The following PCDHGA12 variants were observed in gnomAD, a reference collection of about 807,000 sequenced individuals.
PCDHGA12 encodes protocadherin gamma subfamily A, 12.
PCDHGA12 carries 43 observed loss-of-function variants against 61.1 expected under a neutral mutation model. The ratio of observed to expected loss-of-function variants is 0.70; its 90% CI spans 0.55 to 0.91. The LOEUF is 0.91. PCDHGA12 is among the 40% of genes least tolerant of loss of function. The pLI is 0.00. For synonymous variants in PCDHGA12, 520 were observed against 542.9 expected, an observed-to-expected ratio of 0.96 and a Z score of 0.59; for missense variants, 1,236 against 1,227.7, an observed-to-expected ratio of 1.01 and a Z score of -0.10.
intron 1 of PCDHGA12, among the ~76,000 whole-genome samples, chr5:141,445,077 T>C (rs778919022): frequency 5.9e-5 from 9 of 152,242 alleles, no homozygotes; most frequent in Non-Finnish European, 1.2e-4. Flanking sequence ...CTCATTAAAT[T>C]GTCCCTACAT....
In PCDHGA12 at chr5:141,430,910, G is replaced by T; in HGVS notation, c.151G>T (p.Asp51Tyr). The T allele has an allele frequency of 1.2e-6, 2 of 1,608,040 alleles. No homozygotes were observed. The highest frequency in any genetic ancestry group is 1.7e-4 in the Middle Eastern group (1 of 6,006). Residue 51 changes from aspartate to tyrosine, a missense_variant, in exon 1 of 4, where the codon GAC (aspartate) becomes TAC (tyrosine). Physicochemically the swap from Asp to Tyr is radical, Grantham distance 160 (BLOSUM62 -3). Transcript: ENST00000252085. ...CTCTAGGGTGGGCGACATCTCCAGG[G>T]ACCTGGGGCTGGAGCCCCGGGAGCT... ...KGSRVGDISR[D>Y]LGLEPRELAE...
chr5:141,490,205 C>A lies in PCDHGA12; in HGVS notation c.2425-4602C>A. 1 of 1,614,168 alleles carries A rather than the reference C, an allele frequency of 6.2e-7. No individual in the cohort carries two copies. The highest frequency in any genetic ancestry group is 8.5e-7 in the Non-Finnish European group (1 of 1,180,004). ...CGTTTCTATGAAATTCATGCAAGAG[C>A]CCGTGACCAGGGACAGCCTGCCATG... On this transcript the variant is annotated intron_variant, in intron 1 of 3. Transcript: ENST00000252085. This position sits in a 1 kb window ranked among gnomAD's most constrained non-coding sequence, Gnocchi z 5.4.
chr5:141,473,431 G>A (rs541546681), intron 1 of PCDHGA12, among the ~76,000 whole-genome samples: 10 of 152,266 alleles, frequency 6.6e-5, no homozygotes, highest in Non-Finnish European at 1.3e-4. Flanking sequence ...CAGATACTTT[G>A]CTTATGCAAA....
chr5:141,464,707 A>G (rs1052234067), intron 1 of PCDHGA12, among the ~76,000 whole-genome samples: 13 of 152,112 alleles, frequency 8.5e-5, no homozygotes, highest in African/African-American at 3.1e-4. Flanking sequence ...ATGAGGTTAA[A>G]TAGTTTTTCA....
rs200576950 is a variant in PCDHGA12 at position 141,477,475 on chromosome 5, C to T, written c.2425-17332C>T. The T allele has an allele frequency of 1.2e-6, 2 of 1,614,124 alleles. No individual in the cohort carries two copies. Among genetic ancestry groups the T allele is most frequent in the African/African-American group, 2.7e-5 (2 of 75,010 alleles). ...TTCAAGTGTCCGACATCAATGACAACCCTCCACAATCTTCTCAATCTTCCT... is the reference window on the plus strand; with the variant it reads ...TTCAAGTGTCCGACATCAATGACAATCCTCCACAATCTTCTCAATCTTCCT... On this transcript the variant is annotated intron_variant, in intron 1 of 3. Transcript: ENST00000252085. The surrounding 1 kb of genome is among the most constrained non-coding windows in gnomAD (Gnocchi z 4.9).
chr5:141,487,656 C>G lies in PCDHGA12; in HGVS notation c.2425-7151C>G. ...GCTCAACAAATGCTTGAGGGTTATT[C>G]TGATCCAGGCATATGGCTAGGCCAT... On this transcript the variant is annotated intron_variant, in intron 1 of 3. Coordinates refer to ENST00000252085, the MANE Select transcript of PCDHGA12 (RefSeq NM_003735.3). The surrounding 1 kb of genome is among the most constrained non-coding windows in gnomAD (Gnocchi z 5.0). 6.2e-7 allele frequency: 1 copy of G among 1,613,658 alleles called. No individual in the cohort carries two copies. Among genetic ancestry groups the G allele is most frequent in the Non-Finnish European group, 8.5e-7 (1 of 1,179,794 alleles).
chr5:141,510,239 C>T (rs2099880022), intron 3 of PCDHGA12, among the ~76,000 whole-genome samples: 1 of 150,434 alleles, frequency 6.6e-6, no homozygotes, highest in Non-Finnish European at 1.5e-5. Flanking sequence ...CGCCACTGCA[C>T]TCCAGGCTGG....
In PCDHGA12 at chr5:141,432,293, G is replaced by C. The variant is rs765631138; in HGVS notation, c.1534G>C (p.Gly512Arg). Reference sequence around the variant, plus strand: ...CTACGTGTCCATCAACTCCGACACTGGGGTACTGTATGCGCTGAGCTCCTT... The same window carrying C: ...CTACGTGTCCATCAACTCCGACACTCGGGTACTGTATGCGCTGAGCTCCTT... ...SSYVSINSDTGVLYALSSFDY... is the reference protein window; with the variant it reads ...SSYVSINSDTRVLYALSSFDY... The change falls in exon 1 of 4, where the codon GGG becomes CGG. Residue 512 changes from glycine to arginine, a missense_variant. Physicochemically the swap from Gly to Arg is moderately radical, Grantham distance 125 (BLOSUM62 -2). Coordinates refer to ENST00000252085, the MANE Select transcript of PCDHGA12 (RefSeq NM_003735.3). This position sits in a 1 kb window ranked among gnomAD's most constrained non-coding sequence, Gnocchi z 6.0. 6.2e-7 allele frequency: 1 copy of C among 1,614,254 alleles called. No individual in the cohort carries two copies.
Position 141,486,243 on chromosome 5 carries a change from G to T in PCDHGA12, c.2425-8564G>T. ...TACATCACAGTGACCTCAGAGCTTG[G>T]AACCCTCCCCGAGAGTGCAGAACCT... is the stretch of plus-strand genomic sequence containing the variant. On this transcript the variant is annotated intron_variant, in intron 1 of 3. Coordinates refer to ENST00000252085, the MANE Select transcript of PCDHGA12 (RefSeq NM_003735.3). The surrounding 1 kb of genome is among the most constrained non-coding windows in gnomAD (Gnocchi z 5.0). 1 of 1,614,156 alleles carries T rather than the reference G, an allele frequency of 6.2e-7. No individual in the cohort carries two copies. Among genetic ancestry groups the T allele is most frequent in the Non-Finnish European group, 8.5e-7 (1 of 1,180,018 alleles).
At chr5:141,455,430 G>C (rs190218223) in intron 1 of PCDHGA12, among the ~76,000 whole-genome samples, 1 of 152,274 alleles carries the variant, frequency 6.6e-6, no homozygotes, top group Admixed American at 6.5e-5. Flanking sequence ...CTCCAAAAGA[G>C]GAGGTCCCCA....
intron 1 of PCDHGA12, among the ~76,000 whole-genome samples, chr5:141,488,398 A>T (rs2099675065): frequency 6.6e-6 from 1 of 152,192 alleles, no homozygotes; most frequent in African/African-American, 2.4e-5. Flanking sequence ...GAAACCATGA[A>T]ACCTAGAAGC....
Position 141,490,156 on chromosome 5 carries a change from G to T in PCDHGA12, c.2425-4651G>T. On this transcript the variant is annotated intron_variant, in intron 1 of 3. Coordinates refer to ENST00000252085, the MANE Select transcript of PCDHGA12 (RefSeq NM_003735.3). The surrounding 1 kb of genome is among the most constrained non-coding windows in gnomAD (Gnocchi z 5.4). ...TAGCAGTGGGGCAATCCATGTGTTG[G>T]GTCCCATAGACTTTGAGGAGTCACG... is the stretch of plus-strand genomic sequence containing the variant. 3.1e-6 allele frequency: 5 copies of T among 1,614,192 alleles called. No individual in the cohort carries two copies. Among genetic ancestry groups the T allele is most frequent in the Non-Finnish European group, 4.2e-6 (5 of 1,180,034 alleles).
intron 1 of PCDHGA12, 69 bp downstream of exon 1, chr5:141,433,252 G>T (rs1398141147): frequency 1.4e-6 from 2 of 1,425,340 alleles, no homozygotes; most frequent in Non-Finnish European, 1.9e-6. Flanking sequence ...GGAATGCAGC[G>T]GTACGATCAT....
At chr5:141,478,142 G>C in intron 1 of PCDHGA12, 1 of 1,613,988 alleles carries the variant, frequency 6.2e-7, no homozygotes, top group South Asian at 1.1e-5. Flanking sequence ...AGCCCGAGCC[G>C]AGTTCCCCTC....
chr5:141,444,360 G>A (rs556605314), intron 1 of PCDHGA12, among the ~76,000 whole-genome samples: 1 of 151,652 alleles, frequency 6.6e-6, no homozygotes, highest in South Asian at 2.1e-4. Context: ...TAGTAGAGAC[G>A]GGGTTTCTCC....
At position 141,485,443 on chromosome 5, in the gene PCDHGA12, C is replaced by A. The variant is rs2099613637; in HGVS notation, c.2425-9364C>A. 5 of 1,614,054 alleles carry A rather than the reference C, an allele frequency of 3.1e-6. No individual in the cohort carries two copies. The East Asian group carries it at 6.7e-5, about 22-fold the overall frequency. ...GAGCCCTGCTCATCAAGAACCCAAT[C>A]GACCGAGAGGCACTGTGTGGGCTCA... On this transcript the variant is annotated intron_variant, in intron 1 of 3. Coordinates refer to ENST00000252085, the MANE Select transcript of PCDHGA12 (RefSeq NM_003735.3). This position sits in a 1 kb window ranked among gnomAD's most constrained non-coding sequence, Gnocchi z 5.7.
intron 1 of PCDHGA12, among the ~76,000 whole-genome samples, chr5:141,448,712 G>A (rs1439461223): frequency 1.3e-5 from 2 of 152,004 alleles, no homozygotes; most frequent in African/African-American, 2.4e-5. Flanking sequence ...AGGCCGAGGC[G>A]GGAGGATCAC....
At chr5:141,433,400 TATCTATTA>T (rs1426636766) in intron 1 of PCDHGA12, among the ~76,000 whole-genome samples, 16 of 151,506 alleles carry the variant, frequency 1.1e-4, no homozygotes, top group African/African-American at 3.4e-4. Context: ...TCTATCTATC[TATCTATTA>T]CTTTCTTGTA....
At chr5:141,504,182 C>A (rs2099836345) in intron 2 of PCDHGA12, among the ~76,000 whole-genome samples, 1 of 152,234 alleles carries the variant, frequency 6.6e-6, no homozygotes, top group Non-Finnish European at 1.5e-5. Context: ...TCAAAAAAAT[C>A]ATGAAAATTG....
Sources: gnomAD v4.1 joint callset for allele counts (sites outside exome capture counted in the v4.1 genomes callset) on GRCh38, gnomAD v4.1.1 for gene constraint, Gnocchi (gnomAD v3.1) non-coding constraint, MANE v1.5 for transcripts, NCBI Gene and HGNC (gene_info 2026-07-23, HGNC 2026-07-21) for gene names.